Variants in CENPK observed in about 807,000 individuals in gnomAD.
CENPK encodes centromere protein K.
A neutral mutation model predicts 40.9 loss-of-function variants in CENPK; 46 were observed. The observed-to-expected ratio is 1.13, with a 90% CI of 0.89 to 1.44. The LOEUF (loss-of-function observed/expected upper bound fraction) is 1.44, where lower values mean the gene tolerates loss of function less well. Ranked by LOEUF, CENPK falls within the 40% of genes most tolerant of loss-of-function variation. CENPK has a pLI of 0.00. For synonymous variants in CENPK, 107 were observed against 104.4 expected, an observed-to-expected ratio of 1.02 and a Z score of -0.15; for missense variants, 288 against 303.5, an observed-to-expected ratio of 0.95 and a Z score of 0.38.
chr5:65,506,348 T>TTA, the CENPK span, among the ~76,000 whole-genome samples: 1 of 127,814 alleles, frequency 7.8e-6, no homozygotes, highest in Non-Finnish European at 1.7e-5. Context: ...AGAACTTATC[T>TTA]CAAAAAAAAA....
intron 10 of CENPK, among the ~76,000 whole-genome samples, chr5:65,519,839 GGCTTATTTTAGTACAAACA>G (rs1431689585): frequency 2.6e-5 from 4 of 152,052 alleles, no homozygotes; most frequent in Non-Finnish European, 5.9e-5. Context: ...TTAGAGCAAT[GGCTTATTTTAGTACAAACA>G]GCTTATTTTA....
At chr5:65,544,474 T>C (rs533148440) in intron 5 of CENPK, among the ~76,000 whole-genome samples, 13 of 152,176 alleles carry the variant, frequency 8.5e-5, no homozygotes, top group Non-Finnish European at 1.3e-4. Context: ...GAAAATAGTA[T>C]AGGTGGTTCC....
Position 65,550,174 on chromosome 5 carries a change from CAAAAAAAAA to C in CENPK, c.241+1381_241+1389del, listed in dbSNP as rs56732964. On this transcript the variant is annotated intron_variant, in intron 5 of 10. Coordinates refer to ENST00000396679, the MANE Select transcript of CENPK (RefSeq NM_022145.5). ...AGTGCAACAGAGCAAGACTCCATCT[CAAAAAAAAA>C]AAAAAAAAAAAAAAAATTTTCCTTT... is the stretch of plus-strand genomic sequence containing the variant. Among the ~76,000 whole-genome samples the C allele has an allele frequency of 4.0e-4, 24 of 59,500 alleles. No individual in the cohort carries two copies. The East Asian group carries it at 8.8e-3, about 22-fold the overall frequency. 39.0% of individuals were successfully genotyped at this position (59,500 alleles called of 152,430 possible).
At chr5:65,533,112 C>A (rs1203155172) in intron 6 of CENPK, among the ~76,000 whole-genome samples, 1 of 151,812 alleles carries the variant, frequency 6.6e-6, no homozygotes, top group Non-Finnish European at 1.5e-5. Flanking sequence ...GTAATCTCAG[C>A]ACTTTGGGAG....
chr5:65,528,293 T>C (rs1454979345), intron 9 of CENPK, among the ~76,000 whole-genome samples, 159 bp downstream of exon 9: 2 of 145,386 alleles, frequency 1.4e-5, no homozygotes, highest in African/African-American at 5.1e-5. Flanking sequence ...TTTTATTGAA[T>C]AATTAGGTTG....
At chr5:65,541,270 C>G in intron 6 of CENPK, 1 of 420,814 alleles carries the variant, frequency 2.4e-6, no homozygotes, top group Admixed American at 2.4e-5. Flanking sequence ...AGAATACAGG[C>G]GACAATCCAT....
rs60713724 is a variant in CENPK, at chr5:65,532,910, CAAAAAAAAAAAAAA to C, written c.289-3725_289-3712del. Among the ~76,000 whole-genome samples the C allele has an allele frequency of 6.2e-4, 23 of 37,016 alleles. 1 individual carries two copies. Among genetic ancestry groups the C allele is most frequent in the African/African-American group, 2.3e-3 (23 of 9,900 alleles). The allele number at this position is 37,016 out of a possible 152,430, so 24.3% of individuals were successfully genotyped here. The stretch of plus-strand genomic sequence containing the variant: ...GACAACAAGAGCGAAACTCCATCTC[CAAAAAAAAAAAAAA>C]AAAAAAAAAAAATCAATTTTAAAAA... On this transcript the variant is annotated intron_variant, in intron 6 of 10. Coordinates refer to ENST00000396679, the MANE Select transcript of CENPK (RefSeq NM_022145.5).
At chr5:65,546,070 G>T (rs1748888296) in intron 5 of CENPK, among the ~76,000 whole-genome samples, 1 of 152,116 alleles carries the variant, frequency 6.6e-6, no homozygotes, top group South Asian at 2.1e-4. Context: ...TCATTGCCAG[G>T]GTGGGGGAAA....
chr5:65,548,584 T>C (rs1561678484), intron 5 of CENPK, among the ~76,000 whole-genome samples: 1 of 152,214 alleles, frequency 6.6e-6, no homozygotes, highest in Admixed American at 6.5e-5. Context: ...GCAGAACTTC[T>C]TTCAAAATTA....
chr5:65,529,491 CTTTCTT>C, intron 6 of CENPK: 7 of 182,198 alleles, frequency 3.8e-5, no homozygotes, highest in South Asian at 9.2e-5. Context: ...CCTTTTCTTT[CTTTCTT>C]TTTTTTTTTT....
At chr5:65,556,849 G>C (rs1255881413) in intron 2 of CENPK, among the ~76,000 whole-genome samples, 1 of 152,106 alleles carries the variant, frequency 6.6e-6, no homozygotes, top group Non-Finnish European at 1.5e-5. Context: ...TCTATGTTTA[G>C]AAATGTTTAA....
chr5:65,559,623 C>T (rs1336711432), intron 2 of CENPK, among the ~76,000 whole-genome samples: 21 of 115,934 alleles, frequency 1.8e-4, no homozygotes, highest in African/African-American at 6.8e-4. Context: ...AGCGAGACTC[C>T]GTCTCAGAAA....
chr5:65,551,532 C>CA (rs765048085), intron 5 of CENPK, 32 bp downstream of exon 5: 5 of 1,233,524 alleles, frequency 4.1e-6, no homozygotes, highest in South Asian at 1.4e-5. Context: ...AATAGGTTTA[C>CA]AAAAAATTCA....
the CENPK span, among the ~76,000 whole-genome samples, chr5:65,504,468 A>AAC: frequency 6.6e-6 from 1 of 151,778 alleles, no homozygotes; most frequent in East Asian, 1.9e-4. Flanking sequence ...AAAAAAAAAA[A>AAC]AAAAAAAAAC....
chr5:65,515,657 A>G (rs545727536), downstream of CENPK, among the ~76,000 whole-genome samples: 4 of 152,138 alleles, frequency 2.6e-5, no homozygotes, highest in East Asian at 7.7e-4. Flanking sequence ...TTCTAGTTTA[A>G]TTCCTTTGTA....
intron 9 of CENPK, among the ~76,000 whole-genome samples, chr5:65,521,996 C>T (rs989149441): frequency 1.3e-5 from 2 of 152,022 alleles, no homozygotes; most frequent in Non-Finnish European, 2.9e-5. Context: ...TGAAAGTAAA[C>T]GTTGTATTTA....
chr5:65,518,372 T>G lies in CENPK; in HGVS notation c.*103A>C, dbSNP rs945753719. 1.7e-5 allele frequency: 19 copies of G among 1,128,416 alleles called. No homozygotes were observed. Among genetic ancestry groups the G allele is most frequent in the Non-Finnish European group, 2.3e-5 (18 of 779,138 alleles). 69.9% of individuals were successfully genotyped at this position (1,128,416 alleles called of 1,614,324 possible). On this transcript the variant is annotated 3_prime_UTR_variant, in exon 11 of 11. Coordinates refer to ENST00000396679, the MANE Select transcript of CENPK (RefSeq NM_022145.5). Reference sequence around the variant, plus strand: ...TTTGCAATAAAAGTAAGATGGCCTATGCGCATTAATTTGCAAATAATGTTT... The same window carrying G: ...TTTGCAATAAAAGTAAGATGGCCTAGGCGCATTAATTTGCAAATAATGTTT...
Position 65,529,116 on chromosome 5 carries a change from CCTTT to C in CENPK, c.368_371del (p.Glu123GlyfsTer12). ...TAATAGTAATTGTAACATAAACAAA[CCTTT>C]CTAAGTCTTCCTTTAACTTTTCATT... On this transcript the variant is annotated frameshift_variant and splice_region_variant, in exon 7 of 11. Coordinates refer to ENST00000396679, the MANE Select transcript of CENPK (RefSeq NM_022145.5). LOFTEE classifies it high-confidence loss of function. 1 of 1,598,062 alleles carries C rather than the reference CCTTT, an allele frequency of 6.3e-7. No homozygotes were observed. The highest frequency in any genetic ancestry group is 1.7e-5 in the Admixed American group (1 of 59,360).
chr5:65,549,504 C>G (rs1203848920), intron 5 of CENPK, among the ~76,000 whole-genome samples: 2 of 152,208 alleles, frequency 1.3e-5, no homozygotes, highest in Non-Finnish European at 2.9e-5. Flanking sequence ...ATGGCATCTT[C>G]TTCCAATAGA....
Sources: allele counts gnomAD v4.1 joint callset (sites outside exome capture counted in the v4.1 genomes callset), GRCh38; gene constraint gnomAD v4.1.1; transcripts MANE v1.5; gene names NCBI Gene and HGNC (gene_info 2026-07-23, HGNC 2026-07-21).